Variants in FABP6 observed in about 807,000 individuals in gnomAD.
The protein encoded by FABP6 is fatty acid binding protein 6, also known as gastrotropin.
A neutral mutation model predicts 14.9 loss-of-function variants in FABP6; 13 were observed. That is an observed-to-expected ratio of 0.87 (90% confidence interval 0.57 to 1.39). The LOEUF (loss-of-function observed/expected upper bound fraction) is 1.39, where lower values mean the gene tolerates loss of function less well. Ranked by LOEUF, FABP6 falls within the 40% of genes most tolerant of loss-of-function variation. The pLI is 0.00. For synonymous variants in FABP6, 75 were observed against 63.6 expected (o/e 1.18, Z -0.85); for missense variants, 161 against 167.2 (o/e 0.96, Z 0.20).
At chr5:160,214,533 C>T (rs879897931) in intron 3 of FABP6, among the ~76,000 whole-genome samples, 5 of 150,000 alleles carry the variant, frequency 3.3e-5, no homozygotes, top group Admixed American at 2.7e-4. Flanking sequence ...ATGCTGGTCT[C>T]GAACTTCTGG....
At chr5:160,234,520 G>A (rs1057086566) in intron 2 of FABP6, among the ~76,000 whole-genome samples, 8 of 149,256 alleles carry the variant, frequency 5.4e-5, no homozygotes, top group South Asian at 2.1e-4. Flanking sequence ...TCTGCCTCCC[G>A]GGTTCAAGTG....
intron 2 of FABP6, among the ~76,000 whole-genome samples, chr5:160,205,791 AC>A (rs1259295596): frequency 2.6e-5 from 4 of 152,180 alleles, no homozygotes; most frequent in African/African-American, 9.7e-5. Context: ...CCATTTCGTG[AC>A]CTTGAGGATG....
chr5:160,223,613 A>G (rs1434655688), intron 3 of FABP6, among the ~76,000 whole-genome samples: 1 of 150,856 alleles, frequency 6.6e-6, no homozygotes. Flanking sequence ...TATAGAGATG[A>G]TTTTTTGTCT....
intron 1 of FABP6, among the ~76,000 whole-genome samples, chr5:160,231,482 C>T (rs1446336049): frequency 6.6e-6 from 1 of 152,218 alleles, no homozygotes; most frequent in Non-Finnish European, 1.5e-5. Flanking sequence ...CAACCTCTGC[C>T]TCCAGGGTTT....
chr5:160,213,884 A>G (rs1403085766), intron 3 of FABP6: 2 of 1,312,590 alleles, frequency 1.5e-6, no homozygotes, highest in Non-Finnish European at 1.1e-6. Flanking sequence ...CTAGTTCCTC[A>G]TGAACCTAGA....
At chr5:160,229,943 G>A (rs182953656) in intron 1 of FABP6, among the ~76,000 whole-genome samples, 2,868 of 149,798 alleles carry the variant, frequency 0.019, 41 homozygotes, top group Non-Finnish European at 0.024. Flanking sequence ...GCACCATCTC[G>A]GCTCACTGCA....
At chr5:160,232,446 G>T (rs535106329) in intron 2 of FABP6, among the ~76,000 whole-genome samples, 173 bp downstream of exon 2, 2 of 152,256 alleles carry the variant, frequency 1.3e-5, no homozygotes, top group African/African-American at 4.8e-5. Context: ...GGTCAAACAT[G>T]GGCACTAAAA....
At chr5:160,214,503 G>A (rs1252464300) in intron 3 of FABP6, among the ~76,000 whole-genome samples, 1 of 150,652 alleles carries the variant, frequency 6.6e-6, no homozygotes, top group Non-Finnish European at 1.5e-5. Flanking sequence ...TTGTAGAGAC[G>A]GGGTCTCCCT....
intron 1 of FABP6, among the ~76,000 whole-genome samples, chr5:160,196,195 A>T (rs771269379): frequency 6.6e-6 from 1 of 152,188 alleles, no homozygotes. Context: ...CCACCATGGC[A>T]CTCAAGGGGA....
upstream of FABP6, among the ~76,000 whole-genome samples, chr5:160,227,818 A>ATGTGTGTGTG (rs776387001): frequency 0.048 from 6,203 of 129,064 alleles, 175 homozygotes; most frequent in African/African-American, 0.074. Flanking sequence ...AAAATCCATG[A>ATGTGTGTGTG]CGTGTGTGTG....
In FABP6 at chr5:160,237,708, C is replaced by T. The variant is rs915399616; in HGVS notation, c.334-898C>T. Among the ~76,000 whole-genome samples the T allele has an allele frequency of 1.7e-4, 26 of 152,082 alleles. No homozygotes were observed. The East Asian group carries it at 3.3e-3, about 19-fold the overall frequency. ...GTTATGAATCAGGACCAAACTCCTCCGCTTGACCTTCCACGGCCTTACTGC... is the reference window on the plus strand; with the variant it reads ...GTTATGAATCAGGACCAAACTCCTCTGCTTGACCTTCCACGGCCTTACTGC... On this transcript the variant is annotated intron_variant, in intron 3 of 3. Transcript: ENST00000402432.
chr5:160,192,495 C>G (rs1465341043), intron 1 of FABP6, among the ~76,000 whole-genome samples: 1 of 152,252 alleles, frequency 6.6e-6, no homozygotes, highest in Non-Finnish European at 1.5e-5. Context: ...ACATCTGGCA[C>G]ATAGTAAGTG....
intron 2 of FABP6, among the ~76,000 whole-genome samples, chr5:160,202,722 T>G (rs1234396341): frequency 3.6e-5 from 5 of 139,596 alleles, no homozygotes; most frequent in Non-Finnish European, 7.7e-5. Context: ...GAGAATGGCA[T>G]GAACCTGGGA....
chr5:160,223,999 G>A (rs1465353871), intron 3 of FABP6, among the ~76,000 whole-genome samples: 2 of 151,668 alleles, frequency 1.3e-5, no homozygotes, highest in South Asian at 2.1e-4. Context: ...CACTTTGGGA[G>A]GCCGAGGCGG....
chr5:160,216,553 C>T (rs924591679), intron 3 of FABP6, among the ~76,000 whole-genome samples: 1 of 152,272 alleles, frequency 6.6e-6, no homozygotes, highest in Non-Finnish European at 1.5e-5. Flanking sequence ...CAGGCATGAG[C>T]CACCGTGCCT....
rs555611680 is a variant in FABP6, at chr5:160,238,366, A to G, written c.334-240A>G. Among the ~76,000 whole-genome samples the G allele has an allele frequency of 2.0e-5, 3 of 152,276 alleles. No individual in the cohort carries two copies. In the South Asian group the frequency reaches 6.2e-4, roughly 32 times the overall value. On this transcript the variant is annotated intron_variant, in intron 3 of 3. Transcript: ENST00000402432. ...AGCCTGACATGGGTGAATGGAGAGG[A>G]AAAGAGGTGCAGGGTTCCACACCCA... is the stretch of plus-strand genomic sequence containing the variant.
chr5:160,199,560 G>C (rs1015294773), intron 2 of FABP6, among the ~76,000 whole-genome samples: 5 of 152,158 alleles, frequency 3.3e-5, no homozygotes, highest in African/African-American at 1.2e-4. Flanking sequence ...CGTCGGCCTG[G>C]GGCCGGCGGG....
upstream of FABP6, among the ~76,000 whole-genome samples, chr5:160,225,504 C>T (rs773549415): frequency 6.7e-6 from 1 of 149,890 alleles, no homozygotes; most frequent in African/African-American, 2.5e-5. Context: ...TGGGTTCAAG[C>T]GATTCTCCTG....
chr5:160,190,596 C>T (rs975390415), intron 1 of FABP6, among the ~76,000 whole-genome samples: 4 of 152,094 alleles, frequency 2.6e-5, no homozygotes, highest in African/African-American at 7.2e-5. Flanking sequence ...GAAATCTAGG[C>T]CTGCCTGACC....
Sources: allele counts gnomAD v4.1 joint callset (sites outside exome capture counted in the v4.1 genomes callset), GRCh38; gene constraint gnomAD v4.1.1; transcripts MANE v1.5; gene names NCBI Gene and HGNC (gene_info 2026-07-23, HGNC 2026-07-21).